Variants in BTBD7 observed in about 807,000 individuals in gnomAD.
The protein encoded by BTBD7 is BTB domain containing 7.
In BTBD7, 38 loss-of-function variants were observed where a neutral mutation model predicts 99.9. That is an observed-to-expected ratio of 0.38 (90% CI 0.29 to 0.50). The LOEUF (loss-of-function observed/expected upper bound fraction) is 0.50, where lower values mean the gene tolerates loss of function less well. Ranked by LOEUF, BTBD7 falls within the 20% of genes least tolerant of loss-of-function variation. The probability of loss-of-function intolerance (pLI) is 0.93; values close to 1 mark genes in which losing one functional copy is unlikely to be tolerated. For synonymous variants in BTBD7, 520 were observed against 511.4 expected (o/e 1.02, Z -0.23); for missense variants, 1,170 against 1,394.6 (o/e 0.84, Z 2.57).
Position 93,251,493 on chromosome 14 carries a change from G to T in BTBD7, c.1912C>A (p.Pro638Thr). 2 of 1,605,852 alleles carry T rather than the reference G, an allele frequency of 1.2e-6. No homozygotes were observed. The highest frequency in any genetic ancestry group is 8.5e-7 in the Non-Finnish European group (1 of 1,174,306). Residue 638 changes from proline to threonine, a missense_variant, in exon 8 of 11, where the codon CCT becomes ACT. Coordinates refer to ENST00000334746, the MANE Select transcript of BTBD7 (RefSeq NM_001002860.4). The stretch of plus-strand genomic sequence containing the variant: ...ATTTCGTTGGCTACAACTGAAGGAG[G>T]GCTTGACTGGTTGCTGCTGATCTGC... Reference protein sequence around the residue: ...HQQISSNQSSPPSVVANEIPV... With the variant: ...HQQISSNQSSTPSVVANEIPV...
chr14:93,276,517 A>G (rs993122682), intron 3 of BTBD7, among the ~76,000 whole-genome samples: 1 of 152,202 alleles, frequency 6.6e-6, no homozygotes, highest in Non-Finnish European at 1.5e-5. Context: ...AAATTAAAAA[A>G]AAGTACCACC....
At chr14:93,283,154 T>C (rs1197717082) in intron 3 of BTBD7, among the ~76,000 whole-genome samples, 1 of 152,214 alleles carries the variant, frequency 6.6e-6, no homozygotes, top group East Asian at 1.9e-4. Flanking sequence ...CTCAGCTCAC[T>C]GAAACCTCTG....
intron 3 of BTBD7, among the ~76,000 whole-genome samples, chr14:93,271,184 C>T (rs894899589): frequency 6.6e-6 from 1 of 152,106 alleles, no homozygotes; most frequent in Non-Finnish European, 1.5e-5. Context: ...TAAAAATAGC[C>T]TCAACGTTGA....
chr14:93,259,891 G>A (rs773233446), intron 5 of BTBD7, among the ~76,000 whole-genome samples: 37 of 152,072 alleles, frequency 2.4e-4, no homozygotes, highest in Admixed American at 4.6e-4. Flanking sequence ...CTGAGATCGC[G>A]CCACTGTACT....
chr14:93,260,378 AAGG>A (rs1370460193), intron 5 of BTBD7, among the ~76,000 whole-genome samples: 1 of 152,308 alleles, frequency 6.6e-6, no homozygotes, highest in East Asian at 1.9e-4. Flanking sequence ...TGTTTGAGGG[AAGG>A]AGGACAGGTG....
At chr14:93,321,031 C>A (rs1484547581) in intron 1 of BTBD7, among the ~76,000 whole-genome samples, 1 of 151,860 alleles carries the variant, frequency 6.6e-6, no homozygotes, top group East Asian at 1.9e-4. Flanking sequence ...CAGTATAGGG[C>A]AAAAAGGAAT....
intron 9 of BTBD7, among the ~76,000 whole-genome samples, chr14:93,247,086 G>A (rs2052320122): frequency 6.6e-6 from 1 of 152,100 alleles, no homozygotes; most frequent in Non-Finnish European, 1.5e-5. Context: ...GAGTGCAGTG[G>A]TGCAATCATG....
chr14:93,322,394 T>C (rs12435488), intron 1 of BTBD7, among the ~76,000 whole-genome samples: 58,625 of 151,978 alleles, frequency 0.39, 12,519 homozygotes, highest in African/African-American at 0.58. Context: ...GTTGGGATTA[T>C]AGGGGTGAGC....
chr14:93,300,256 T>TC (rs1001954607), intron 1 of BTBD7, among the ~76,000 whole-genome samples: 19 of 132,918 alleles, frequency 1.4e-4, no homozygotes, highest in African/African-American at 6.5e-4. Context: ...CTTTCTTTGT[T>TC]CTTTTTTTTT....
At chr14:93,315,502 C>T (rs2053190118) in intron 1 of BTBD7, among the ~76,000 whole-genome samples, 1 of 152,176 alleles carries the variant, frequency 6.6e-6, no homozygotes, top group Non-Finnish European at 1.5e-5. Flanking sequence ...ATCTGTGCAG[C>T]CATCAGTGGT....
intron 9 of BTBD7, 72 bp from the exon 10 acceptor site, chr14:93,246,358 G>A: frequency 1.4e-6 from 2 of 1,409,698 alleles, no homozygotes; most frequent in East Asian, 2.4e-5. Flanking sequence ...TATAGGCTGA[G>A]AGAATTAAGT....
At chr14:93,332,323 C>T (rs1456673161) in intron 1 of BTBD7, 1 of 152,404 alleles carries the variant, frequency 6.6e-6, no homozygotes, top group African/African-American at 2.4e-5. Context: ...CTAACTTCCC[C>T]TGGGAGTAGC....
intron 3 of BTBD7, among the ~76,000 whole-genome samples, chr14:93,278,445 A>G (rs1350750216): frequency 2.6e-5 from 4 of 152,098 alleles, no homozygotes; most frequent in East Asian, 1.9e-4. Flanking sequence ...AAACCTTCTG[A>G]TATCTTCTGG....
At chr14:93,322,745 T>C (rs985578293) in intron 1 of BTBD7, among the ~76,000 whole-genome samples, 1 of 152,180 alleles carries the variant, frequency 6.6e-6, no homozygotes. Flanking sequence ...GGCAAATACA[T>C]CCTTTCAGAA....
At chr14:93,269,430 C>A (rs3825680) in intron 3 of BTBD7, among the ~76,000 whole-genome samples, 1 of 152,096 alleles carries the variant, frequency 6.6e-6, no homozygotes. Flanking sequence ...CCTGTAGGTA[C>A]GAAACCATCA....
intron 9 of BTBD7, among the ~76,000 whole-genome samples, 153 bp from the exon 10 acceptor site, chr14:93,246,439 GA>G (rs1158530435): frequency 1.3e-5 from 2 of 152,134 alleles, no homozygotes; most frequent in Admixed American, 6.5e-5. Flanking sequence ...AGAAGCCCAA[GA>G]AAAAAATCAC....
chr14:93,291,216 T>C (rs761967545), intron 3 of BTBD7, among the ~76,000 whole-genome samples: 9 of 152,118 alleles, frequency 5.9e-5, no homozygotes, highest in African/African-American at 9.7e-5. Context: ...GTGATTATTA[T>C]AGTTTAGCAG....
intron 1 of BTBD7, among the ~76,000 whole-genome samples, chr14:93,304,541 G>A (rs1299869968): frequency 1.3e-5 from 2 of 152,082 alleles, no homozygotes; most frequent in Non-Finnish European, 2.9e-5. Flanking sequence ...TAGTAGAGAT[G>A]AGGTTTCACC....
chr14:93,304,388 G>A (rs2053045761), intron 1 of BTBD7, among the ~76,000 whole-genome samples: 2 of 152,222 alleles, frequency 1.3e-5, no homozygotes, highest in Non-Finnish European at 2.9e-5. Flanking sequence ...GTCTCGTGCT[G>A]TCGCCCAGGC....
Sources: allele counts gnomAD v4.1 joint callset (sites outside exome capture counted in the v4.1 genomes callset), GRCh38; gene constraint gnomAD v4.1.1; transcripts MANE v1.5; gene names NCBI Gene and HGNC (gene_info 2026-07-23, HGNC 2026-07-21).